NKAIN2: variants seen among roughly 807,000 people sequenced by gnomAD.
NKAIN2 encodes the protein sodium/potassium transporting ATPase interacting 2.
In NKAIN2, 14 loss-of-function variants were observed where a neutral mutation model predicts 32.6. That is an observed-to-expected ratio of 0.43 (90% CI 0.28 to 0.67). The LOEUF (loss-of-function observed/expected upper bound fraction) is 0.67, where lower values mean the gene tolerates loss of function less well. Ranked by LOEUF, NKAIN2 falls within the 30% of genes least tolerant of loss-of-function variation. The pLI, the probability that NKAIN2 is intolerant of heterozygous loss-of-function variation, is 0.17. For missense variants in NKAIN2, 198 were observed against 258.3 expected (o/e 0.77, Z 1.60); for synonymous variants, 80 against 87.2 (o/e 0.92, Z 0.46).
At chr6:124,013,851 A>C (rs1316827334) in intron 1 of NKAIN2, among the ~76,000 whole-genome samples, 1 of 152,196 alleles carries the variant, frequency 6.6e-6, no homozygotes. Flanking sequence ...AAAGGGTAGA[A>C]GGTTCACAAG....
At chr6:124,787,192 C>G (rs1253611293) in intron 4 of NKAIN2, among the ~76,000 whole-genome samples, 1 of 152,076 alleles carries the variant, frequency 6.6e-6, no homozygotes, top group Non-Finnish European at 1.5e-5. Flanking sequence ...AGTTGTTTTT[C>G]CTGATGGATA....
At chr6:124,167,251 T>G (rs1226105832) in intron 1 of NKAIN2, among the ~76,000 whole-genome samples, 138 of 151,284 alleles carry the variant, frequency 9.1e-4, no homozygotes, top group African/African-American at 3.3e-3. Context: ...GTAAGTTGGA[T>G]TCCTAGGTAT....
chr6:124,228,943 A>G (rs1443627304), intron 1 of NKAIN2, among the ~76,000 whole-genome samples: 1 of 152,216 alleles, frequency 6.6e-6, no homozygotes, highest in Non-Finnish European at 1.5e-5. Flanking sequence ...TCACAAAAAC[A>G]TAAGGAAAGA....
chr6:124,723,653 G>C (rs1287934914), intron 4 of NKAIN2, among the ~76,000 whole-genome samples: 1 of 152,126 alleles, frequency 6.6e-6, no homozygotes, highest in Non-Finnish European at 1.5e-5. Flanking sequence ...ACAGCGGGTA[G>C]GAACATAAAC....
chr6:124,413,042 G>A (rs1774285670), intron 3 of NKAIN2, among the ~76,000 whole-genome samples: 1 of 152,150 alleles, frequency 6.6e-6, no homozygotes, highest in South Asian at 2.1e-4. Flanking sequence ...ATTAAAGTGG[G>A]AGTGACCCGA....
chr6:124,503,658 T>A (rs1448386434), intron 3 of NKAIN2, among the ~76,000 whole-genome samples: 2 of 152,118 alleles, frequency 1.3e-5, no homozygotes, highest in African/African-American at 4.8e-5. Context: ...AATAGGCAGA[T>A]ATTTACCAAA....
chr6:124,168,171 C>T (rs981185057), intron 1 of NKAIN2, among the ~76,000 whole-genome samples: 1 of 152,098 alleles, frequency 6.6e-6, no homozygotes, highest in Non-Finnish European at 1.5e-5. Flanking sequence ...TGCACAAGTT[C>T]ATATTACATC....
In NKAIN2 at chr6:124,030,473, A is replaced by G. The variant is rs759235114; in HGVS notation, c.54+226219A>G. 2.6e-5 allele frequency among the ~76,000 whole-genome samples: 4 copies of G among 152,260 alleles called. No individual in the cohort carries two copies. The South Asian group carries it at 8.3e-4, about 32-fold the overall frequency. On this transcript the variant is annotated intron_variant, in intron 1 of 6. Transcript: ENST00000368417. Reference sequence around the variant, plus strand: ...AAACTTTGCTTTTGATTCTTCCTTTATTCTTACTCAGTGGTTCTTACTATG... The same window carrying G: ...AAACTTTGCTTTTGATTCTTCCTTTGTTCTTACTCAGTGGTTCTTACTATG...
intron 3 of NKAIN2, among the ~76,000 whole-genome samples, chr6:124,565,858 T>C (rs1297528102): frequency 3.9e-5 from 6 of 152,212 alleles, no homozygotes; most frequent in Admixed American, 2.0e-4. Context: ...GTTTCTAACA[T>C]GTTTTAGCCA....
chr6:124,103,835 C>G (rs1023940483), intron 1 of NKAIN2, among the ~76,000 whole-genome samples: 7 of 152,036 alleles, frequency 4.6e-5, no homozygotes, highest in African/African-American at 1.4e-4. Flanking sequence ...TGCCTGTAAT[C>G]CCAGCACTTT....
chr6:123,850,992 T>C (rs1775318105), intron 1 of NKAIN2, among the ~76,000 whole-genome samples: 1 of 152,176 alleles, frequency 6.6e-6, no homozygotes, highest in African/African-American at 2.4e-5. Flanking sequence ...TGTTCTCCAG[T>C]TACATATTTT....
intron 1 of NKAIN2, among the ~76,000 whole-genome samples, chr6:124,206,489 C>T (rs972487940): frequency 1.3e-5 from 2 of 151,776 alleles, no homozygotes; most frequent in African/African-American, 4.8e-5. Flanking sequence ...TCCTGCCTAC[C>T]TACAGAATTG....
intron 1 of NKAIN2, among the ~76,000 whole-genome samples, chr6:124,155,981 G>T (rs62435640): frequency 6.6e-6 from 1 of 151,846 alleles, no homozygotes. Flanking sequence ...AAAAAAAAGG[G>T]ATACTAGGCC....
chr6:124,700,362 A>C lies in NKAIN2; in HGVS notation c.474+41976A>C, dbSNP rs1308849701. 2.6e-5 allele frequency among the ~76,000 whole-genome samples: 4 copies of C among 152,164 alleles called. 1 individual carries two copies. Among genetic ancestry groups the C allele is most frequent in the African/African-American group, 9.6e-5 (4 of 41,456 alleles). On this transcript the variant is annotated intron_variant, in intron 4 of 6. Transcript: ENST00000368417. ...ATTACTTCTGTTCGCTCAGAATCTC[A>C]TTAATGAAAACTCAAAGTGTTGAGT...
chr6:124,711,287 A>G (rs567305381), intron 4 of NKAIN2, among the ~76,000 whole-genome samples: 40 of 35,274 alleles, frequency 1.1e-3, no homozygotes, highest in Non-Finnish European at 1.9e-3. Context: ...TTCAACCTTG[A>G]TGAATCTGAC....
At chr6:123,968,030 C>T (rs192667496) in intron 1 of NKAIN2, among the ~76,000 whole-genome samples, 1 of 152,292 alleles carries the variant, frequency 6.6e-6, no homozygotes, top group Admixed American at 6.5e-5. Context: ...ATGGACACGG[C>T]ATTAAGAAAG....
chr6:124,347,335 G>T (rs1000690329), intron 2 of NKAIN2, among the ~76,000 whole-genome samples: 10 of 151,896 alleles, frequency 6.6e-5, no homozygotes, highest in African/African-American at 2.4e-4. Flanking sequence ...TTCTCGAGGA[G>T]TATCTTTGTG....
chr6:124,161,223 G>A (rs547488778), intron 1 of NKAIN2, among the ~76,000 whole-genome samples: 1 of 152,258 alleles, frequency 6.6e-6, no homozygotes, highest in African/African-American at 2.4e-5. Context: ...AGGCAAAGGA[G>A]AAACAGGCAT....
intron 3 of NKAIN2, among the ~76,000 whole-genome samples, chr6:124,592,713 C>T (rs1003109060): frequency 6.6e-6 from 1 of 152,170 alleles, no homozygotes; most frequent in Non-Finnish European, 1.5e-5. Flanking sequence ...ATACAGTCCT[C>T]TTATCATGTA....
Sources: allele counts gnomAD v4.1 joint callset (sites outside exome capture counted in the v4.1 genomes callset), GRCh38; gene constraint gnomAD v4.1.1; transcripts MANE v1.5; gene names NCBI Gene and HGNC (gene_info 2026-07-23, HGNC 2026-07-21).